CSMD3: variants seen among roughly 807,000 people sequenced by gnomAD.
CSMD3 encodes CUB and sushi domain-containing protein 3.
A neutral mutation model predicts 435.2 loss-of-function variants in CSMD3; 177 were observed. The observed-to-expected ratio is 0.41, with a 90% CI of 0.36 to 0.46. The LOEUF (loss-of-function observed/expected upper bound fraction) is 0.46. Ranked by LOEUF, CSMD3 falls within the 20% of genes least tolerant of loss-of-function variation. CSMD3 has a pLI of 0.34. For missense variants in CSMD3, 4,265 were observed against 4,504.6 expected, an observed-to-expected ratio of 0.95 and a Z score of 1.52; for synonymous variants, 1,656 against 1,520.5, an observed-to-expected ratio of 1.09 and a Z score of -2.07.
chr8:112,289,820 C>T (rs995516632), intron 56 of CSMD3, among the ~76,000 whole-genome samples: 1 of 151,924 alleles, frequency 6.6e-6, no homozygotes. Flanking sequence ...TAAATCTGTA[C>T]GTGTGAGAGT....
At chr8:112,341,377 C>A (rs1027723285) in intron 42 of CSMD3, 100 bp downstream of exon 42, 137 of 610,442 alleles carry the variant, frequency 2.2e-4, no homozygotes, top group Admixed American at 2.2e-4. Context: ...TTTTTTTTTT[C>A]TTTCTAAAAC....
Position 112,337,686 on chromosome 8 carries a change from C to A in CSMD3, c.6698G>T (p.Gly2233Val), listed in dbSNP as rs2130966897. 3.7e-6 allele frequency: 6 copies of A among 1,613,796 alleles called. No homozygotes were observed. The highest frequency in any genetic ancestry group is 5.1e-6 in the Non-Finnish European group (6 of 1,179,786). The change falls in exon 43 of 71, where the codon GGT becomes GTT. Residue 2233 changes from glycine to valine, a missense_variant. This residue lies in a region of CSMD3 where 3,255 missense variants were observed against 3,380.2 expected (regional missense o/e 0.96). Coordinates refer to ENST00000297405, the MANE Select transcript of CSMD3 (RefSeq NM_198123.2). ...AGTAAAATCATTACCAATTACAAAA[C>A]CATTTCGAAACGGGCGTGGATCAGG... ...SCPDPRPFRN[G>V]FVIGNDFTVG... is the part of the protein sequence containing the mutation.
At chr8:113,032,371 T>A (rs1038614141) in intron 5 of CSMD3, among the ~76,000 whole-genome samples, 7 of 151,502 alleles carry the variant, frequency 4.6e-5, no homozygotes, top group Non-Finnish European at 7.4e-5. Flanking sequence ...CAGATGGAGA[T>A]GAGGAACTGA....
intron 2 of CSMD3, among the ~76,000 whole-genome samples, chr8:113,291,056 A>G (rs1407103472): frequency 4.0e-5 from 6 of 151,520 alleles, no homozygotes; most frequent in Non-Finnish European, 7.4e-5. Flanking sequence ...ATGTCTTCAT[A>G]TATTTGAATG....
rs542242322 is a variant in CSMD3 at position 112,496,905 on chromosome 8, A to G, written c.5084-4222T>C. 9.2e-5 allele frequency among the ~76,000 whole-genome samples: 14 copies of G among 152,302 alleles called. No individual in the cohort carries two copies. The South Asian group carries it at 2.5e-3, about 27-fold the overall frequency. ...TATTTGATAGCACAACAGGGCAACT[A>G]TAGTCAATAATAATTTAATTGTACA... On this transcript the variant is annotated intron_variant, in intron 30 of 70. Coordinates refer to ENST00000297405, the MANE Select transcript of CSMD3 (RefSeq NM_198123.2).
At chr8:113,406,263 C>T (rs914559375) in intron 1 of CSMD3, among the ~76,000 whole-genome samples, 1 of 151,722 alleles carries the variant, frequency 6.6e-6, no homozygotes, top group African/African-American at 2.4e-5. Flanking sequence ...TTGAAGTACC[C>T]TGGATCATGG....
chr8:112,440,276 A>G (rs1008796427), intron 32 of CSMD3, among the ~76,000 whole-genome samples: 3 of 152,314 alleles, frequency 2.0e-5, no homozygotes, highest in Middle Eastern at 3.4e-3. Flanking sequence ...TAGAGTTTCA[A>G]AATGATCTCC....
chr8:112,372,302 A>G (rs1828473741), intron 38 of CSMD3, among the ~76,000 whole-genome samples: 1 of 152,196 alleles, frequency 6.6e-6, no homozygotes, highest in Admixed American at 6.5e-5. Flanking sequence ...AAAATGAAAC[A>G]TTAAGAAATC....
At chr8:113,291,850 C>A (rs1383223974) in intron 2 of CSMD3, among the ~76,000 whole-genome samples, 1 of 151,816 alleles carries the variant, frequency 6.6e-6, no homozygotes, top group Non-Finnish European at 1.5e-5. Context: ...AGACAAATGT[C>A]AATGAGTATT....
chr8:112,555,995 A>G (rs1027671407), intron 25 of CSMD3, among the ~76,000 whole-genome samples: 14 of 152,012 alleles, frequency 9.2e-5, no homozygotes, highest in African/African-American at 3.1e-4. Context: ...AAGGCTGAAG[A>G]ATCACTGCAT....
chr8:112,904,348 A>G (rs1379695460), intron 10 of CSMD3, among the ~76,000 whole-genome samples: 1 of 151,534 alleles, frequency 6.6e-6, no homozygotes, highest in Non-Finnish European at 1.5e-5. Flanking sequence ...ACCATTCCAC[A>G]GTGTATACTT....
At chr8:112,802,863 T>A (rs926365523) in intron 12 of CSMD3, among the ~76,000 whole-genome samples, 6 of 151,964 alleles carry the variant, frequency 3.9e-5, no homozygotes, top group Admixed American at 1.3e-4. Context: ...TTTAAAATTT[T>A]AAATTTTATT....
intron 9 of CSMD3, among the ~76,000 whole-genome samples, chr8:112,941,278 C>T (rs1458021836): frequency 2.0e-5 from 3 of 151,742 alleles, no homozygotes; most frequent in African/African-American, 7.2e-5. Flanking sequence ...TGTTACCACA[C>T]AAAATATGAA....
rs140617311 is a variant in CSMD3, at chr8:112,567,305, T to C, written c.4042+6196A>G. Among the ~76,000 whole-genome samples, 3 of 152,248 alleles carry C rather than the reference T, an allele frequency of 2.0e-5. No individual in the cohort carries two copies. In the East Asian group the frequency reaches 5.8e-4, roughly 30 times the overall value. On this transcript the variant is annotated intron_variant, in intron 24 of 70. Transcript: ENST00000297405. The stretch of plus-strand genomic sequence containing the variant: ...CCTTTAAGATGGAGTCTGAACAAAT[T>C]AGCTAAAGTGGTCTCATCTGTACTA...
At chr8:112,646,521 T>G (rs2074985333) in intron 19 of CSMD3, among the ~76,000 whole-genome samples, 1 of 152,180 alleles carries the variant, frequency 6.6e-6, no homozygotes, top group African/African-American at 2.4e-5. Flanking sequence ...CTTGGGAATT[T>G]TTTTGTCTGT....
chr8:112,472,527 GC>G, intron 32 of CSMD3, 63 bp downstream of exon 32: 1 of 869,350 alleles, frequency 1.2e-6, no homozygotes, highest in East Asian at 2.4e-5. Flanking sequence ...TTTTTGAATA[GC>G]ATGTAGTGAA....
chr8:113,237,523 C>T (rs1024575088), intron 3 of CSMD3, among the ~76,000 whole-genome samples: 26 of 152,052 alleles, frequency 1.7e-4, no homozygotes, highest in Admixed American at 1.4e-3. Flanking sequence ...TTTATAATGG[C>T]GGATGTATTG....
chr8:113,409,401 A>G (rs1056391443), intron 1 of CSMD3, among the ~76,000 whole-genome samples: 2 of 151,558 alleles, frequency 1.3e-5, no homozygotes, highest in African/African-American at 2.4e-5. Flanking sequence ...ATTTTACTAC[A>G]TTGTCAAGGT....
At chr8:112,946,909 GGT>G (rs1307590962) in intron 9 of CSMD3, among the ~76,000 whole-genome samples, 12 of 151,424 alleles carry the variant, frequency 7.9e-5, no homozygotes, top group Non-Finnish European at 1.8e-4. Flanking sequence ...ATTTATTATA[GGT>G]CTATATTCTA....
Sources: gnomAD v4.1 joint callset for allele counts (sites outside exome capture counted in the v4.1 genomes callset) on GRCh38, gnomAD v4.1.1 for gene constraint, gnomAD v4.1.1 regional missense constraint, MANE v1.5 for transcripts, NCBI Gene and HGNC (gene_info 2026-07-23, HGNC 2026-07-21) for gene names.